Variants in HSDL2 observed in about 807,000 individuals in gnomAD.
HSDL2 encodes the protein hydroxysteroid dehydrogenase like 2, also known as hydroxysteroid dehydrogenase-like protein 2.
HSDL2 carries 27 observed loss-of-function variants against 46.3 expected under a neutral mutation model. The ratio of observed to expected loss-of-function variants is 0.58; its 90% CI spans 0.43 to 0.80. The LOEUF (loss-of-function observed/expected upper bound fraction) is 0.80, where lower values mean the gene tolerates loss of function less well. HSDL2 is among the 30% of genes least tolerant of loss of function. The pLI, the probability that HSDL2 is intolerant of heterozygous loss-of-function variation, is 0.00. For missense variants in HSDL2, 451 were observed against 502.7 expected (o/e 0.90, Z 0.98); for synonymous variants, 153 against 163.6 (o/e 0.94, Z 0.50).
At chr9:112,403,683 GA>G (rs936571918) in intron 1 of HSDL2, among the ~76,000 whole-genome samples, 13 of 151,988 alleles carry the variant, frequency 8.6e-5, no homozygotes, top group East Asian at 5.8e-4. Context: ...TTTCTGTGGG[GA>G]AAAAAATGCA....
intron 4 of HSDL2, among the ~76,000 whole-genome samples, chr9:112,410,237 C>T (rs1831829824): frequency 6.6e-6 from 1 of 152,154 alleles, no homozygotes; most frequent in Non-Finnish European, 1.5e-5. Context: ...TTTATTTACC[C>T]TCTGGTTCTA....
chr9:112,439,408 G>A (rs1348691313), intron 7 of HSDL2, among the ~76,000 whole-genome samples: 1 of 151,976 alleles, frequency 6.6e-6, no homozygotes, highest in African/African-American at 2.4e-5. Flanking sequence ...GTAGATGAGT[G>A]GGCAGGCTCT....
chr9:112,454,774 G>C (rs1832977069), intron 9 of HSDL2, among the ~76,000 whole-genome samples: 1 of 151,334 alleles, frequency 6.6e-6, no homozygotes, highest in African/African-American at 2.4e-5. Flanking sequence ...GGTGGGATCT[G>C]GGCTCACTGC....
intron 4 of HSDL2, among the ~76,000 whole-genome samples, chr9:112,414,508 C>T (rs1849718823): frequency 6.6e-6 from 1 of 152,232 alleles, no homozygotes; most frequent in Non-Finnish European, 1.5e-5. Context: ...GGGCATGCTA[C>T]TGTGACAGAT....
At chr9:112,453,873 A>T in intron 8 of HSDL2, 140 bp from the exon 9 acceptor site, 1 of 643,592 alleles carries the variant, frequency 1.6e-6, no homozygotes, top group Non-Finnish European at 2.6e-6. Context: ...TTATGCTTTT[A>T]GATGCCACTT....
chr9:112,397,701 C>T (rs1050532965), intron 1 of HSDL2, among the ~76,000 whole-genome samples: 4 of 152,142 alleles, frequency 2.6e-5, no homozygotes, highest in Non-Finnish European at 4.4e-5. Flanking sequence ...GGCCTCCTCT[C>T]ACCACCAGGT....
At chr9:112,422,599 C>T (rs562801128) in intron 6 of HSDL2, among the ~76,000 whole-genome samples, 2 of 152,100 alleles carry the variant, frequency 1.3e-5, no homozygotes, top group Non-Finnish European at 2.9e-5. Flanking sequence ...TGGAGAGAGA[C>T]TTAGAAGACA....
intron 8 of HSDL2, 49 bp downstream of exon 8, chr9:112,441,819 TG>T (rs1361683850): frequency 8.3e-7 from 1 of 1,206,560 alleles, no homozygotes; most frequent in East Asian, 2.4e-5. Context: ...TCCTAACTTA[TG>T]TATTTCTTCC....
Position 112,403,998 on chromosome 9 carries a change from G to A in HSDL2, c.21G>A (p.Arg7=), listed in dbSNP as rs1228397572. The change falls in exon 2 of 11, where the codon AGG becomes AGA. Residue 7 remains arginine, a synonymous_variant. Transcript: ENST00000398805. MLPNTG[R]LAGCTVFITG... ...GGTCGTATTTGTTCTGTTGTAGGAG[G>A]CTGGCAGGATGTACAGTTTTTATCA... The A allele has an allele frequency of 9.9e-6, 16 of 1,613,920 alleles. No homozygotes were observed. The Middle Eastern group carries it at 2.3e-3, about 233-fold the overall frequency.
intron 6 of HSDL2, among the ~76,000 whole-genome samples, chr9:112,427,862 T>C (rs780900320): frequency 6.6e-6 from 1 of 152,238 alleles, no homozygotes; most frequent in Non-Finnish European, 1.5e-5. Context: ...TGGACAGTTA[T>C]CACGCAGCAG....
chr9:112,453,357 A>C (rs780528399), intron 8 of HSDL2, among the ~76,000 whole-genome samples: 8 of 152,118 alleles, frequency 5.3e-5, no homozygotes, highest in Non-Finnish European at 8.8e-5. Flanking sequence ...ATTGATTATC[A>C]TCCCTCATAC....
At chr9:112,419,575 T>C (rs146600875) in intron 6 of HSDL2, among the ~76,000 whole-genome samples, 3 of 152,354 alleles carry the variant, frequency 2.0e-5, no homozygotes, top group African/African-American at 7.2e-5. Flanking sequence ...TTCTCCATCT[T>C]TGTTTCTGGA....
intron 1 of HSDL2, among the ~76,000 whole-genome samples, chr9:112,400,918 T>C (rs970273846): frequency 7.9e-5 from 12 of 152,216 alleles, no homozygotes; most frequent in Admixed American, 4.6e-4. Context: ...TACTCCAATA[T>C]GACTTCATGT....
chr9:112,429,087 T>TG (rs1037037638), intron 6 of HSDL2, among the ~76,000 whole-genome samples: 8 of 152,032 alleles, frequency 5.3e-5, no homozygotes, highest in Non-Finnish European at 8.8e-5. Context: ...TTAGTAGAGA[T>TG]GGGGTTTCAC....
At chr9:112,391,311 T>TA (rs1831339374) in intron 1 of HSDL2, among the ~76,000 whole-genome samples, 2 of 150,208 alleles carry the variant, frequency 1.3e-5, no homozygotes, top group South Asian at 2.1e-4. Context: ...CCCCAAAAAA[T>TA]AAAAAAATTA....
At chr9:112,433,331 G>A (rs1832450945) in intron 6 of HSDL2, among the ~76,000 whole-genome samples, 1 of 152,108 alleles carries the variant, frequency 6.6e-6, no homozygotes, top group South Asian at 2.1e-4. Flanking sequence ...CACTGAACTT[G>A]AGCAACTCAA....
At chr9:112,466,583 A>C (rs183925919) in intron 10 of HSDL2, among the ~76,000 whole-genome samples, 1 of 151,420 alleles carries the variant, frequency 6.6e-6, no homozygotes, top group East Asian at 1.9e-4. Context: ...ATTTTCAGTT[A>C]GTTATGTTTC....
intron 10 of HSDL2, among the ~76,000 whole-genome samples, chr9:112,461,617 G>A (rs777257287): frequency 6.6e-6 from 1 of 152,156 alleles, no homozygotes; most frequent in Non-Finnish European, 1.5e-5. Context: ...ATTGCTACAG[G>A]TTAAGCAATA....
chr9:112,450,753 A>C (rs1832867154), intron 8 of HSDL2, among the ~76,000 whole-genome samples: 1 of 152,094 alleles, frequency 6.6e-6, no homozygotes, highest in South Asian at 2.1e-4. Context: ...CATATAATTT[A>C]AAATGTATAC....
Sources: allele counts gnomAD v4.1 joint callset (sites outside exome capture counted in the v4.1 genomes callset), GRCh38; gene constraint gnomAD v4.1.1; transcripts MANE v1.5; gene names NCBI Gene and HGNC (gene_info 2026-07-23, HGNC 2026-07-21).